The following PHF21B variants were observed in gnomAD, a reference collection of about 807,000 sequenced individuals.
PHF21B encodes PHD finger protein 21B.
Under a neutral mutation model 62.2 loss-of-function variants are expected in PHF21B, and 22 were observed. The ratio of observed to expected loss-of-function variants is 0.35; its 90% CI spans 0.25 to 0.51. The LOEUF is 0.51. Ranked by LOEUF, PHF21B falls within the 20% of genes least tolerant of loss-of-function variation. PHF21B has a pLI of 0.97. For missense variants in PHF21B, 701 were observed against 707.9 expected (o/e 0.99, Z 0.11); for synonymous variants, 341 against 314.7 (o/e 1.08, Z -0.88).
chr22:44,886,638 G>A (rs2070863790), intron 10 of PHF21B, among the ~76,000 whole-genome samples: 1 of 151,810 alleles, frequency 6.6e-6, no homozygotes. Flanking sequence ...AGTGAGCTGT[G>A]CTCATGCTCC....
In PHF21B at chr22:44,941,642, CA is replaced by C. The variant is rs535091857; in HGVS notation, c.121-21153del. ...TTCCCACGTTAGCAGGGGGATGGGG[CA>C]GGGGTGGACGGAGTCCACCGTCACT... is the stretch of plus-strand genomic sequence containing the variant. On this transcript the variant is annotated intron_variant, in intron 2 of 12. Transcript: ENST00000313237. 1.6e-3 allele frequency among the ~76,000 whole-genome samples: 244 copies of C among 152,300 alleles called. 2 individuals are homozygous for C. The highest frequency in any genetic ancestry group is 5.6e-3 in the African/African-American group (234 of 41,562).
chr22:44,899,283 T>G (rs1272993539), intron 5 of PHF21B, among the ~76,000 whole-genome samples: 1 of 136,146 alleles, frequency 7.3e-6, no homozygotes, highest in Non-Finnish European at 1.5e-5. Flanking sequence ...TCTGTTCTTA[T>G]TCTTTTTTTT....
chr22:44,992,163 C>A (rs896061891), intron 2 of PHF21B, among the ~76,000 whole-genome samples: 1 of 152,268 alleles, frequency 6.6e-6, no homozygotes, highest in Non-Finnish European at 1.5e-5. Flanking sequence ...CTGTGTTAAT[C>A]CCTTCTCTCC....
At chr22:44,908,817 A>AGATG (rs1317430580) in intron 5 of PHF21B, among the ~76,000 whole-genome samples, 3 of 152,218 alleles carry the variant, frequency 2.0e-5, no homozygotes, top group Non-Finnish European at 4.4e-5. Flanking sequence ...TATGTACATG[A>AGATG]GATGGAGTCT....
At chr22:44,992,295 A>G (rs2073053678) in intron 2 of PHF21B, among the ~76,000 whole-genome samples, 1 of 152,248 alleles carries the variant, frequency 6.6e-6, no homozygotes, top group South Asian at 2.1e-4. Flanking sequence ...GGGATGCTGG[A>G]CGATGAAATG....
intron 2 of PHF21B, among the ~76,000 whole-genome samples, chr22:44,950,086 G>T (rs1172151509): frequency 6.6e-6 from 1 of 152,176 alleles, no homozygotes; most frequent in Non-Finnish European, 1.5e-5. Context: ...TCCATGCACA[G>T]ACCAACATAA....
intron 2 of PHF21B, among the ~76,000 whole-genome samples, chr22:44,969,920 AC>A (rs1336280345): frequency 6.6e-6 from 1 of 152,224 alleles, no homozygotes; most frequent in Non-Finnish European, 1.5e-5. Context: ...AGATTTGAAC[AC>A]TGTCTCGTTT....
At chr22:44,942,788 C>G (rs1482644650) in intron 2 of PHF21B, among the ~76,000 whole-genome samples, 1 of 152,138 alleles carries the variant, frequency 6.6e-6, no homozygotes, top group African/African-American at 2.4e-5. Context: ...AGGAGGACAC[C>G]CGGGACGGGG....
intron 2 of PHF21B, among the ~76,000 whole-genome samples, chr22:44,949,904 G>A (rs1041538513): frequency 3.3e-5 from 5 of 152,292 alleles, no homozygotes; most frequent in Non-Finnish European, 5.9e-5. Flanking sequence ...GTACTTTAAC[G>A]TGACTGATCA....
chr22:44,943,995 G>A (rs1203147100), intron 2 of PHF21B, among the ~76,000 whole-genome samples: 2 of 152,196 alleles, frequency 1.3e-5, no homozygotes, highest in African/African-American at 2.4e-5. Context: ...GGACCCTGAG[G>A]GAAGGAACAG....
intron 2 of PHF21B, among the ~76,000 whole-genome samples, chr22:44,975,257 C>T (rs1409769713): frequency 2.0e-5 from 3 of 152,198 alleles, no homozygotes; most frequent in African/African-American, 4.8e-5. Context: ...CTCAGCCAGC[C>T]CCACGCCTGG....
At chr22:44,941,808 C>T (rs2071963265) in intron 2 of PHF21B, among the ~76,000 whole-genome samples, 1 of 152,192 alleles carries the variant, frequency 6.6e-6, no homozygotes, top group African/African-American at 2.4e-5. Flanking sequence ...GGGGCACAGG[C>T]TGGGGGGGCC....
intron 5 of PHF21B, among the ~76,000 whole-genome samples, chr22:44,907,816 A>T (rs1165105975): frequency 1.3e-5 from 2 of 152,184 alleles, no homozygotes; most frequent in Non-Finnish European, 2.9e-5. Context: ...AGGCCCTGAC[A>T]ATTATTAGAG....
intron 2 of PHF21B, among the ~76,000 whole-genome samples, chr22:44,987,753 ACT>A (rs939157643): frequency 1.8e-5 from 2 of 114,158 alleles, no homozygotes; most frequent in Non-Finnish European, 3.6e-5. Flanking sequence ...AGCCCCCAAC[ACT>A]CTCTCGTCTC....
In PHF21B at chr22:44,888,066, T is replaced by A; in HGVS notation, c.1094A>T (p.Gln365Leu). 6.5e-7 allele frequency: 1 copy of A among 1,550,090 alleles called. No individual in the cohort carries two copies. The highest frequency in any genetic ancestry group is 1.2e-5 in the South Asian group (1 of 83,854). The part of the protein sequence containing the change: ...CAACKRGANL[Q>L]PCGTCPGAYH... The stretch of plus-strand genomic sequence containing the variant: ...GGCCCCCGGGCAGGTGCCGCAGGGC[T>A]GCAGGTTGGCCCCTCGCTTGCAGGC... Residue 365 changes from glutamine to leucine, a missense_variant, in exon 10 of 13, where the codon CAG (glutamine) becomes CTG (leucine). Coordinates refer to ENST00000313237, the MANE Select transcript of PHF21B (RefSeq NM_138415.5).
chr22:44,897,433 A>G (rs564572289), intron 5 of PHF21B, among the ~76,000 whole-genome samples: 39 of 148,756 alleles, frequency 2.6e-4, no homozygotes, highest in African/African-American at 9.4e-4. Context: ...GTTATATAAG[A>G]CCCCTGTTGG....
chr22:44,941,653 G>A (rs895352088), intron 2 of PHF21B, among the ~76,000 whole-genome samples: 23 of 152,298 alleles, frequency 1.5e-4, no homozygotes, highest in Admixed American at 3.3e-4. Flanking sequence ...AGGGGTGGAC[G>A]GAGTCCACCG....
chr22:44,949,315 A>AG (rs1181203535), intron 2 of PHF21B, among the ~76,000 whole-genome samples: 4 of 150,774 alleles, frequency 2.7e-5, no homozygotes, highest in Middle Eastern at 3.2e-3. Flanking sequence ...AAAAAGAAAA[A>AG]AAAAAAAAAA....
chr22:44,885,444 C>A lies in PHF21B; in HGVS notation c.1359G>T (p.Arg453=). Residue 453 remains arginine, a synonymous_variant, in exon 12 of 13, where the codon CGG becomes CGT. Coordinates refer to ENST00000313237, the MANE Select transcript of PHF21B (RefSeq NM_138415.5). ...GGCACACCTGCACTGCTGACGCCAG[C>A]CGCCGGTCCCGCTCCTCCAGCTGCT... is the stretch of plus-strand genomic sequence containing the variant. The part of the protein sequence containing the change: ...EHQQLEERDR[R]LASAVQKCLE... 6.3e-7 allele frequency: 1 copy of A among 1,585,040 alleles called. No individual in the cohort carries two copies. The highest frequency in any genetic ancestry group is 8.6e-7 in the Non-Finnish European group (1 of 1,167,104).
Sources: gnomAD v4.1 joint callset for allele counts (sites outside exome capture counted in the v4.1 genomes callset) on GRCh38, gnomAD v4.1.1 for gene constraint, MANE v1.5 for transcripts, NCBI Gene and HGNC (gene_info 2026-07-23, HGNC 2026-07-21) for gene names.